IFT25: variants seen among roughly 807,000 people sequenced by gnomAD.
The protein encoded by IFT25 is intraflagellar transport 25.
chr1:53,935,667 TCA>T, the IFT25 span, among the ~76,000 whole-genome samples: 2 of 150,994 alleles, frequency 1.3e-5, no homozygotes, highest in African/African-American at 4.9e-5. Context: ...TCTTGCTCTC[TCA>T]CTCAGGCTGG....
the IFT25 span, chr1:53,939,928 GT>G: frequency 2.4e-5 from 23 of 959,214 alleles, no homozygotes; most frequent in Non-Finnish European, 3.7e-5. Flanking sequence ...CACAGTCCAA[GT>G]ACTCAAGGGA....
the IFT25 span, among the ~76,000 whole-genome samples, chr1:53,932,393 G>T: frequency 6.6e-6 from 1 of 151,566 alleles, no homozygotes; most frequent in Non-Finnish European, 1.5e-5. Context: ...TGACCCATGG[G>T]TTATTTAGAA....
At chr1:53,916,763 A>G in the IFT25 span, 1 of 386,140 alleles carries the variant, frequency 2.6e-6, no homozygotes, top group Non-Finnish European at 4.6e-6. Flanking sequence ...ATTCATCATT[A>G]TGAATGACTA....
the IFT25 span, chr1:53,928,711 G>T: frequency 2.8e-6 from 1 of 356,990 alleles, no homozygotes; most frequent in Non-Finnish European, 5.1e-6. Flanking sequence ...TTTTTTGTGT[G>T]TATGGCGATA....
At chr1:53,943,939 AAG>A in the IFT25 span, among the ~76,000 whole-genome samples, 22 of 152,270 alleles carry the variant, frequency 1.4e-4, no homozygotes, top group East Asian at 4.2e-3. Flanking sequence ...TGTTTTTTAA[AAG>A]AGAGTTACAC....
chr1:53,941,387 G>A, the IFT25 span, among the ~76,000 whole-genome samples: 1 of 152,164 alleles, frequency 6.6e-6, no homozygotes, highest in Admixed American at 6.5e-5. Context: ...ACTGTGCCCG[G>A]CCAATATCAA....
chr1:53,932,978 T>C, the IFT25 span, among the ~76,000 whole-genome samples: 2 of 152,196 alleles, frequency 1.3e-5, no homozygotes, highest in Non-Finnish European at 2.9e-5. Flanking sequence ...TTCTGCCAAA[T>C]TGTTCTATCA....
chr1:53,928,659 A>C, the IFT25 span: 1 of 473,032 alleles, frequency 2.1e-6, no homozygotes, highest in Non-Finnish European at 3.8e-6. Context: ...ACCATACAAC[A>C]CAGAGCAAGT....
At chr1:53,923,934 T>G in the IFT25 span, 1 of 1,593,826 alleles carries the variant, frequency 6.3e-7, no homozygotes, top group Non-Finnish European at 8.6e-7. Context: ...GCTGCCCCTC[T>G]GTGTGTACCA....
chr1:53,927,450 G>C, the IFT25 span, among the ~76,000 whole-genome samples: 2,272 of 152,204 alleles, frequency 0.015, 70 homozygotes, highest in African/African-American at 0.051. Flanking sequence ...CACTAGTATC[G>C]TATTTTCAAC....
chr1:53,923,539 A>G, the IFT25 span: 1 of 212,060 alleles, frequency 4.7e-6, no homozygotes, highest in Admixed American at 5.9e-5. Flanking sequence ...TTGTCCTTTC[A>G]TGCTTAAATT....
At chr1:53,931,965 A>C in the IFT25 span, among the ~76,000 whole-genome samples, 1 of 152,140 alleles carries the variant, frequency 6.6e-6, no homozygotes. Flanking sequence ...CCTTTTTAAC[A>C]TAAGTATATA....
At chr1:53,933,891 G>T in the IFT25 span, among the ~76,000 whole-genome samples, 6 of 151,240 alleles carry the variant, frequency 4.0e-5, no homozygotes, top group Admixed American at 4.0e-4. Flanking sequence ...AGAAATTTTT[G>T]AAATAGCTGC....
chr1:53,925,953 T>C, the IFT25 span, among the ~76,000 whole-genome samples: 1 of 151,394 alleles, frequency 6.6e-6, no homozygotes, highest in East Asian at 2.0e-4. Context: ...AATACAAAAA[T>C]TAGCCAGGCA....
chr1:53,925,722 A>G, the IFT25 span, among the ~76,000 whole-genome samples: 1 of 151,952 alleles, frequency 6.6e-6, no homozygotes, highest in African/African-American at 2.4e-5. Context: ...GAGAGAACAT[A>G]AAAAAACTCC....
At chr1:53,921,236 T>C in the IFT25 span, among the ~76,000 whole-genome samples, 1 of 152,340 alleles carries the variant, frequency 6.6e-6, no homozygotes, top group East Asian at 1.9e-4. Flanking sequence ...TCAGGTTCCA[T>C]AACCTCAGTG....
the IFT25 span, among the ~76,000 whole-genome samples, chr1:53,934,195 G>A: frequency 5.3e-5 from 8 of 152,046 alleles, no homozygotes; most frequent in Non-Finnish European, 1.2e-4. Context: ...TTATGATGCA[G>A]GTCTACTTGT....
At chr1:53,923,517 T>A in the IFT25 span, 1 of 190,822 alleles carries the variant, frequency 5.2e-6, no homozygotes, top group Non-Finnish European at 1.1e-5. Flanking sequence ...GTTCCCCTTA[T>A]ATGAATCTCA....
At chr1:53,945,771 TGA>T in the IFT25 span, 1 of 94,796 alleles carries the variant, frequency 1.1e-5, no homozygotes, top group East Asian at 3.3e-4. Flanking sequence ...CGGCCACCGC[TGA>T]GTTTCCGGGC....
Sources: allele counts gnomAD v4.1 joint callset (sites outside exome capture counted in the v4.1 genomes callset), GRCh38; gene constraint gnomAD v4.1.1; transcripts MANE v1.5; gene names NCBI Gene and HGNC (gene_info 2026-07-23, HGNC 2026-07-21).